KCNQ1: variants seen among roughly 807,000 people sequenced by gnomAD.
The protein encoded by KCNQ1 is potassium voltage-gated channel subfamily Q member 1, also known as potassium voltage-gated channel subfamily KQT member 1.
Under a neutral mutation model 72.4 loss-of-function variants are expected in KCNQ1, and 49 were observed. The observed-to-expected ratio is 0.68, with a 90% CI of 0.54 to 0.86. The LOEUF is 0.86. Among genes scored for constraint, KCNQ1 ranks in the 40% least tolerant of loss-of-function variants. The probability of loss-of-function intolerance (pLI) is 0.00; values close to 1 mark genes in which losing one functional copy is unlikely to be tolerated. For missense variants in KCNQ1, 790 were observed against 945.1 expected, an observed-to-expected ratio of 0.84 and a Z score of 2.15; for synonymous variants, 450 against 412.6, an observed-to-expected ratio of 1.09 and a Z score of -1.10.
intron 10 of KCNQ1, chr11:2,649,257 T>G: frequency 2.5e-6 from 1 of 398,466 alleles, no homozygotes; most frequent in Non-Finnish European, 4.4e-6. Context: ...CATTTTATTG[T>G]TTTCTGACTG....
At chr11:2,514,901 C>T (rs7924915) in intron 1 of KCNQ1, among the ~76,000 whole-genome samples, 14,021 of 152,226 alleles carry the variant, frequency 0.092, 778 homozygotes, top group African/African-American at 0.16. Context: ...CACCCTGAGC[C>T]GCCAGTGGGT....
chr11:2,456,288 ACT>A (rs1846189812), intron 1 of KCNQ1, among the ~76,000 whole-genome samples: 1 of 151,120 alleles, frequency 6.6e-6, no homozygotes, highest in African/African-American at 2.4e-5. Flanking sequence ...CAAGAGCAAA[ACT>A]CTATCTCAAA....
chr11:2,648,067 A>T (rs1202173963), intron 10 of KCNQ1: 8 of 396,338 alleles, frequency 2.0e-5, no homozygotes, highest in African/African-American at 1.4e-4. Flanking sequence ...AAAAAAAAAA[A>T]ATTAGCGAGG....
chr11:2,496,160 G>C (rs1846912136), intron 1 of KCNQ1, among the ~76,000 whole-genome samples: 1 of 151,940 alleles, frequency 6.6e-6, no homozygotes, highest in South Asian at 2.1e-4. Flanking sequence ...ATCTTGGCCG[G>C]GTGCAGTGGC....
rs983517402 is a variant in KCNQ1, at chr11:2,710,499, GTTTC to G, written c.1514+48426_1514+48429del. On this transcript the variant is annotated intron_variant, in intron 11 of 15. Transcript: ENST00000155840. The surrounding 1 kb of genome is among the most constrained non-coding windows in gnomAD (Gnocchi z 4.1). Reference sequence around the variant, plus strand: ...AATTTTGATGAAGTTCAATTTATCTGTTTCTTTCTTTGGATGCTTATGTTTTTGG... The same window carrying G: ...AATTTTGATGAAGTTCAATTTATCTGTTTCTTTGGATGCTTATGTTTTTGG... Among the ~76,000 whole-genome samples, 2 of 152,080 alleles carry G rather than the reference GTTTC, an allele frequency of 1.3e-5. No individual in the cohort carries two copies. Among genetic ancestry groups the G allele is most frequent in the African/African-American group, 2.4e-5 (1 of 41,414 alleles).
intron 10 of KCNQ1, chr11:2,631,214 G>T (rs1471217015): frequency 2.5e-6 from 1 of 398,322 alleles, no homozygotes; most frequent in Admixed American, 4.4e-5. Flanking sequence ...TATAAATCCT[G>T]TGTGAACATT....
chr11:2,471,816 A>G lies in KCNQ1; in HGVS notation c.386+26332A>G, dbSNP rs758991336. Among the ~76,000 whole-genome samples the G allele has an allele frequency of 1.3e-5, 2 of 148,718 alleles. No individual in the cohort carries two copies. The highest frequency in any genetic ancestry group is 3.0e-5 in the Non-Finnish European group (2 of 67,278). ...TGCATGTGTATATAGGTGTGTGTGC[A>G]CGTGTATGGGTGCGTGTGCACCTAT... On this transcript the variant is annotated intron_variant, in intron 1 of 15. Coordinates refer to ENST00000155840, the MANE Select transcript of KCNQ1 (RefSeq NM_000218.3). The surrounding 1 kb of genome is among the most constrained non-coding windows in gnomAD (Gnocchi z 4.8).
At position 2,639,708 on chromosome 11, in the gene KCNQ1, G is replaced by A. The variant is rs138677767; in HGVS notation, c.1394-22253G>A. ...TATCCATTCTTAGATCTCAAACTCCGTGCTGGGAGAACCACTACTCTTTTC... is the reference window on the plus strand; with the variant it reads ...TATCCATTCTTAGATCTCAAACTCCATGCTGGGAGAACCACTACTCTTTTC... On this transcript the variant is annotated intron_variant, in intron 10 of 15. Transcript: ENST00000155840. 7.4e-3 allele frequency: 1,123 copies of A among 152,474 alleles called. 9 individuals are homozygous for A. The highest frequency in any genetic ancestry group is 0.02 in the Middle Eastern group (6 of 300). The allele number at this position is 152,474 out of a possible 1,614,324, so 9.4% of individuals were successfully genotyped here.
chr11:2,776,106 G>C, intron 13 of KCNQ1, 52 bp downstream of exon 13: 1 of 1,440,692 alleles, frequency 6.9e-7, no homozygotes, highest in South Asian at 1.2e-5. Flanking sequence ...TGCCCAGCCC[G>C]GCCCCAGCTG....
intron 10 of KCNQ1, chr11:2,633,466 T>C (rs1477692082): frequency 7.5e-6 from 3 of 398,456 alleles, no homozygotes; most frequent in Admixed American, 8.8e-5. Flanking sequence ...CCTGAAGGGT[T>C]TCCCTTCTGT....
rs1008598433 is a variant in KCNQ1, at chr11:2,559,291, A to C, written c.478-11337A>C. ...AGTCCTGGGGCCTGGAGGGTCGTAG[A>C]GAAATGTGTGAACATGGCTCCCCTT... is the stretch of plus-strand genomic sequence containing the variant. On this transcript the variant is annotated intron_variant, in intron 2 of 15. Transcript: ENST00000155840. This position sits in a 1 kb window ranked among gnomAD's most constrained non-coding sequence, Gnocchi z 4.9. 5.9e-5 allele frequency among the ~76,000 whole-genome samples: 9 copies of C among 152,166 alleles called. No individual in the cohort carries two copies. Among genetic ancestry groups the C allele is most frequent in the Non-Finnish European group, 1.2e-4 (8 of 68,030 alleles).
At position 2,494,567 on chromosome 11, in the gene KCNQ1, A is replaced by AT. The variant is rs1373816866; in HGVS notation, c.387-33357dup. 5.3e-5 allele frequency among the ~76,000 whole-genome samples: 8 copies of AT among 152,152 alleles called. No homozygotes were observed. Among genetic ancestry groups the AT allele is most frequent in the South Asian group, 2.1e-4 (1 of 4,820 alleles). ...AGTTTTTGGCATGAAGGGATGTTGAATTTTGTCAAAGGCTTTTTCTGCATC... is the reference window on the plus strand; with the variant it reads ...AGTTTTTGGCATGAAGGGATGTTGAATTTTTGTCAAAGGCTTTTTCTGCATC... On this transcript the variant is annotated intron_variant, in intron 1 of 15. Transcript: ENST00000155840. The surrounding 1 kb of genome is among the most constrained non-coding windows in gnomAD (Gnocchi z 4.6).
chr11:2,809,393 G>A lies in KCNQ1; in HGVS notation c.1794+31356G>A, dbSNP rs999103268. Among the ~76,000 whole-genome samples the A allele has an allele frequency of 6.6e-6, 1 of 152,084 alleles. No individual in the cohort carries two copies. Among genetic ancestry groups the A allele is most frequent in the Non-Finnish European group, 1.5e-5 (1 of 68,016 alleles). On this transcript the variant is annotated intron_variant, in intron 15 of 15. Transcript: ENST00000155840. This position sits in a 1 kb window ranked among gnomAD's most constrained non-coding sequence, Gnocchi z 7.1. ...TGGTAGCCAGCGACGCTGCAACCCC[G>A]CCCCCGCAGCCTCCTGGTGCAGCAC...
intron 2 of KCNQ1, among the ~76,000 whole-genome samples, chr11:2,557,309 A>C (rs11023290): frequency 0.5 from 75,678 of 152,044 alleles, 20,006 homozygotes; most frequent in Non-Finnish European, 0.59. Flanking sequence ...AACTATTGAA[A>C]ATCTGCAAGG....
rs1190265631 is a variant in KCNQ1, at chr11:2,661,142, A to G, written c.1394-819A>G. The G allele has an allele frequency of 7.5e-6, 3 of 398,612 alleles. No homozygotes were observed. Among genetic ancestry groups the G allele is most frequent in the East Asian group, 3.6e-5 (1 of 28,078 alleles). The allele number at this position is 398,612 out of a possible 1,614,324, so 24.7% of individuals were successfully genotyped here. On this transcript the variant is annotated intron_variant, in intron 10 of 15. Coordinates refer to ENST00000155840, the MANE Select transcript of KCNQ1 (RefSeq NM_000218.3). This position sits in a 1 kb window ranked among gnomAD's most constrained non-coding sequence, Gnocchi z 5.9. ...CTCGGATGAGCAGAGAGGGTGGGCT[A>G]GGGATCTAGTTGGCAGTTAACACTG...
Position 2,830,619 on chromosome 11 carries a change from G to T in KCNQ1, c.1795-17148G>T, listed in dbSNP as rs1262089592. Among the ~76,000 whole-genome samples the T allele has an allele frequency of 6.6e-6, 1 of 152,148 alleles. No homozygotes were observed. Among genetic ancestry groups the T allele is most frequent in the Non-Finnish European group, 1.5e-5 (1 of 68,000 alleles). Reference sequence around the variant, plus strand: ...CACAGGGTCAGCCTGGGCCAGGCAGGCTGGGGGCCAGCCCAGGACCTCCTT... The same window carrying T: ...CACAGGGTCAGCCTGGGCCAGGCAGTCTGGGGGCCAGCCCAGGACCTCCTT... On this transcript the variant is annotated intron_variant, in intron 15 of 15. Transcript: ENST00000155840. The surrounding 1 kb of genome is among the most constrained non-coding windows in gnomAD (Gnocchi z 7.7).
chr11:2,523,940 G>A (rs1374607942), intron 1 of KCNQ1, among the ~76,000 whole-genome samples: 2 of 151,842 alleles, frequency 1.3e-5, no homozygotes, highest in African/African-American at 4.8e-5. Flanking sequence ...GCGTGGATTC[G>A]GGTGCATGAC....
intron 5 of KCNQ1, among the ~76,000 whole-genome samples, chr11:2,572,413 A>T (rs1273944788): frequency 1.3e-5 from 2 of 152,164 alleles, no homozygotes; most frequent in Non-Finnish European, 2.9e-5. Flanking sequence ...AGGCAAATCA[A>T]GGACCCGGTC....
At chr11:2,459,055 G>T (rs556849653) in intron 1 of KCNQ1, among the ~76,000 whole-genome samples, 1 of 150,680 alleles carries the variant, frequency 6.6e-6, no homozygotes. Context: ...TTGTTGGGAT[G>T]CTTTTGTGAA....
Sources: allele counts gnomAD v4.1 joint callset (sites outside exome capture counted in the v4.1 genomes callset), GRCh38; gene constraint gnomAD v4.1.1; non-coding constraint Gnocchi (gnomAD v3.1); transcripts MANE v1.5; gene names NCBI Gene and HGNC (gene_info 2026-07-23, HGNC 2026-07-21).